Variants in HLCS observed in about 807,000 individuals in gnomAD.
HLCS encodes the protein holocarboxylase synthetase.
A neutral mutation model predicts 75.0 loss-of-function variants in HLCS; 53 were observed. The observed-to-expected ratio is 0.71, with a 90% CI of 0.57 to 0.89. HLCS has a LOEUF of 0.89. HLCS is among the 40% of genes least tolerant of loss of function. The pLI is 0.00. For missense variants in HLCS, 966 were observed against 1,074.0 expected (o/e 0.90, Z 1.41); for synonymous variants, 431 against 428.6 (o/e 1.01, Z -0.07).
chr21:36,802,755 C>T (rs2061244709), intron 6 of HLCS, among the ~76,000 whole-genome samples: 1 of 152,168 alleles, frequency 6.6e-6, no homozygotes, highest in Non-Finnish European at 1.5e-5. Context: ...CCTTTTCACT[C>T]CCAATGGGAT....
chr21:36,961,928 T>C (rs1046296062), intron 2 of HLCS, 108 bp downstream of exon 2: 6 of 633,344 alleles, frequency 9.5e-6, no homozygotes, highest in Non-Finnish European at 1.1e-5. Context: ...CACTCCAGCC[T>C]GGGTGACAGA....
intron 6 of HLCS, among the ~76,000 whole-genome samples, chr21:36,823,699 TTAC>T (rs1224252999): frequency 6.6e-6 from 1 of 151,344 alleles, no homozygotes; most frequent in Non-Finnish European, 1.5e-5. Flanking sequence ...TTTTATAAGT[TTAC>T]TACCACCAGA....
chr21:36,935,806 A>C (rs1253788742), intron 4 of HLCS, among the ~76,000 whole-genome samples: 1 of 152,274 alleles, frequency 6.6e-6, no homozygotes, highest in Non-Finnish European at 1.5e-5. Flanking sequence ...ACGCAAGAAA[A>C]AGAAACTAGC....
At chr21:36,756,849 A>G (rs1163674752) in intron 9 of HLCS, 94 bp from the exon 10 acceptor site, 2 of 1,600,730 alleles carry the variant, frequency 1.2e-6, no homozygotes, top group African/African-American at 1.3e-5. Context: ...TTGACTGTCA[A>G]CTTCCTCCTT....
At chr21:36,962,900 G>A (rs1348379043) in intron 1 of HLCS, among the ~76,000 whole-genome samples, 3 of 150,926 alleles carry the variant, frequency 2.0e-5, no homozygotes, top group Non-Finnish European at 2.9e-5. Context: ...ATTCCCTACA[G>A]CCATCACAGC....
At chr21:36,813,992 A>G (rs1203392188) in intron 6 of HLCS, among the ~76,000 whole-genome samples, 1 of 152,110 alleles carries the variant, frequency 6.6e-6, no homozygotes. Flanking sequence ...TCCCTCCCCT[A>G]AAGCCACCTG....
At position 36,826,029 on chromosome 21, in the gene HLCS, T is replaced by A. The variant is rs190653585; in HGVS notation, c.1893-58744A>T. On this transcript the variant is annotated intron_variant, in intron 6 of 10. Transcript: ENST00000674895. ...ACAAGGAATTAGAGTAAGAAGTTAT[T>A]TTTTTTTTTTAATTAGAAACAAATG... Among the ~76,000 whole-genome samples the A allele has an allele frequency of 1.5e-3, 199 of 135,554 alleles. 1 individual carries two copies. Among genetic ancestry groups the A allele is most frequent in the African/African-American group, 5.1e-3 (166 of 32,868 alleles). The allele number at this position is 135,554 out of a possible 152,430, so 88.9% of individuals were successfully genotyped here.
At chr21:36,824,619 G>T (rs568747289) in intron 6 of HLCS, among the ~76,000 whole-genome samples, 1 of 152,302 alleles carries the variant, frequency 6.6e-6, no homozygotes, top group South Asian at 2.1e-4. Context: ...ACAAAACTCT[G>T]ATGCCATCTC....
intron 6 of HLCS, among the ~76,000 whole-genome samples, chr21:36,892,514 A>G (rs190869829): frequency 6.6e-6 from 1 of 152,328 alleles, no homozygotes; most frequent in Admixed American, 6.5e-5. Flanking sequence ...CCGGCCCTAA[A>G]AGAGAAAACG....
chr21:36,764,998 T>C lies in HLCS; in HGVS notation c.2121+14A>G. On this transcript the variant is annotated intron_variant, in intron 8 of 10. Coordinates refer to ENST00000674895, the MANE Select transcript of HLCS (RefSeq NM_001352514.2). ...GCATCCCAGGGACATAGAAGGAGAC[T>C]GAACTGTACCTACCTGATACTCGGG... 1.2e-6 allele frequency: 2 copies of C among 1,613,354 alleles called. No individual in the cohort carries two copies. The highest frequency in any genetic ancestry group is 1.1e-5 in the South Asian group (1 of 91,062).
intron 6 of HLCS, among the ~76,000 whole-genome samples, chr21:36,800,088 C>A (rs1342465076): frequency 6.6e-6 from 1 of 152,088 alleles, no homozygotes; most frequent in African/African-American, 2.4e-5. Context: ...ACTGAAAACA[C>A]AGGAAAACAA....
intron 2 of HLCS, among the ~76,000 whole-genome samples, chr21:36,955,985 AT>A (rs1387460537): frequency 1.5e-4 from 23 of 152,336 alleles, no homozygotes; most frequent in South Asian, 4.1e-4. Flanking sequence ...AGGCTACCCC[AT>A]AAATCCCAGG....
chr21:36,756,195 T>C (rs530968102), intron 10 of HLCS, among the ~76,000 whole-genome samples: 1 of 152,040 alleles, frequency 6.6e-6, no homozygotes, highest in East Asian at 1.9e-4. Flanking sequence ...TCCCAGCACT[T>C]TGGGAGGCCA....
chr21:36,806,806 C>T (rs1193999961), intron 6 of HLCS, among the ~76,000 whole-genome samples: 3 of 152,170 alleles, frequency 2.0e-5, no homozygotes, highest in East Asian at 1.9e-4. Flanking sequence ...CCACGATTTC[C>T]GTGTGCCTGG....
intron 6 of HLCS, among the ~76,000 whole-genome samples, chr21:36,886,245 C>T (rs2064452209): frequency 6.6e-6 from 1 of 151,730 alleles, no homozygotes. Flanking sequence ...TCCTGGTGAA[C>T]ACGGTGAAAC....
chr21:36,905,263 A>C (rs1162198751), intron 5 of HLCS, among the ~76,000 whole-genome samples: 1 of 152,186 alleles, frequency 6.6e-6, no homozygotes, highest in Non-Finnish European at 1.5e-5. Flanking sequence ...GCACATTAAA[A>C]CCTTACCAAG....
chr21:36,845,653 G>A (rs971858980), intron 6 of HLCS, among the ~76,000 whole-genome samples: 11 of 152,104 alleles, frequency 7.2e-5, no homozygotes, highest in Admixed American at 5.9e-4. Flanking sequence ...GTGGTGGAGC[G>A]GGACTTAGAG....
chr21:36,917,798 C>T (rs568584787), intron 5 of HLCS, among the ~76,000 whole-genome samples: 2 of 152,154 alleles, frequency 1.3e-5, no homozygotes, highest in East Asian at 1.9e-4. Context: ...GCTGAAAGCT[C>T]GGACCTTCCC....
intron 6 of HLCS, among the ~76,000 whole-genome samples, chr21:36,832,291 C>T (rs1447226488): frequency 3.3e-5 from 5 of 152,170 alleles, no homozygotes; most frequent in African/African-American, 1.2e-4. Flanking sequence ...AAAAGGAAGA[C>T]AAAGATTTCC....
Sources: allele counts gnomAD v4.1 joint callset (sites outside exome capture counted in the v4.1 genomes callset), GRCh38; gene constraint gnomAD v4.1.1; transcripts MANE v1.5; gene names NCBI Gene and HGNC (gene_info 2026-07-23, HGNC 2026-07-21).